RPS27L: variants seen among roughly 807,000 people sequenced by gnomAD.
The protein encoded by RPS27L is ribosomal protein eS27-like.
RPS27L carries 10 observed loss-of-function variants against 12.8 expected under a neutral mutation model. The observed-to-expected ratio is 0.78, with a 90% CI of 0.48 to 1.33. The LOEUF is 1.33. RPS27L is among the 40% of genes most tolerant of loss of function. The pLI, the probability that RPS27L is intolerant of heterozygous loss-of-function variation, is 0.00. For synonymous variants in RPS27L, 26 were observed against 32.3 expected (o/e 0.81, Z 0.66); for missense variants, 81 against 97.4 (o/e 0.83, Z 0.71).
chr15:63,155,891 T>A (rs1455363490), intron 2 of RPS27L, among the ~76,000 whole-genome samples, 160 bp from the exon 3 acceptor site: 1 of 152,226 alleles, frequency 6.6e-6, no homozygotes, highest in Admixed American at 6.5e-5. Flanking sequence ...CAAAATTTTT[T>A]AAAAACAGGT....
Position 63,156,447 on chromosome 15 carries a change from A to C in RPS27L, c.81T>G (p.Ser27Arg). 1 of 1,596,422 alleles carries C rather than the reference A, an allele frequency of 6.3e-7. No individual in the cohort carries two copies. The highest frequency in any genetic ancestry group is 8.5e-7 in the Non-Finnish European group (1 of 1,173,096). The change falls in exon 2 of 4, where the codon AGT (serine) becomes AGG (arginine). Residue 27 changes from serine to arginine, a missense_variant. By Grantham distance (110) the Ser-to-Arg change is moderately radical. Coordinates refer to ENST00000330964, the MANE Select transcript of RPS27L (RefSeq NM_015920.4). ...TTACATCCATAAAGTAAGAATTTGGACTTTGTACTAGGCGTTTCTTTTTAT... is the reference window on the plus strand; with the variant it reads ...TTACATCCATAAAGTAAGAATTTGGCCTTTGTACTAGGCGTTTCTTTTTAT... ...KKHKKKRLVQ[S>R]PNSYFMDVKC...
chr15:63,151,524 G>T lies in RPS27L; in HGVS notation c.*2508C>A, dbSNP rs1240334770. 2 of 152,130 alleles carry T rather than the reference G, an allele frequency of 1.3e-5. No homozygotes were observed. Among genetic ancestry groups the T allele is most frequent in the African/African-American group, 4.8e-5 (2 of 41,416 alleles). The allele number at this position is 152,130 out of a possible 1,614,324, so 9.4% of individuals were successfully genotyped here. A position where few individuals can be genotyped will look rare whatever the true frequency, so the allele number is the denominator to read the frequency against. ...GCTGGGATTATAGGTGTGAGCCACC[G>T]CGCCCAGCCCTTAGATGTGGTCTTT... On this transcript the variant is annotated 3_prime_UTR_variant, in exon 4 of 4. Coordinates refer to ENST00000330964, the MANE Select transcript of RPS27L (RefSeq NM_015920.4).
Position 63,151,163 on chromosome 15 carries a change from G to A in RPS27L, c.*2869C>T, listed in dbSNP as rs1425418217. ...TCCTATTCAGCACTTTTCAAAACCA[G>A]TAATACCATCTAGATTAATAATAAA... On this transcript the variant is annotated 3_prime_UTR_variant, in exon 4 of 4. Transcript: ENST00000330964. 1 of 152,140 alleles carries A rather than the reference G, an allele frequency of 6.6e-6. No individual in the cohort carries two copies. Among genetic ancestry groups the A allele is most frequent in the Admixed American group, 6.5e-5 (1 of 15,274 alleles). 9.4% of individuals were successfully genotyped at this position (152,140 alleles called of 1,614,324 possible).
chr15:63,155,526 G>T, intron 3 of RPS27L, 95 bp downstream of exon 3: 1 of 752,030 alleles, frequency 1.3e-6, no homozygotes, highest in East Asian at 2.8e-5. Flanking sequence ...AGTTATTTTG[G>T]TAATCATTAA....
intron 1 of RPS27L, 159 bp from the exon 2 acceptor site, chr15:63,156,680 T>G: frequency 1.5e-6 from 1 of 664,488 alleles, no homozygotes; most frequent in East Asian, 2.7e-5. Context: ...GTTAATAACT[T>G]TCATCAGTAC....
chr15:63,157,459 C>T lies in RPS27L; in HGVS notation c.-54G>A. On this transcript the variant is annotated 5_prime_UTR_variant, in exon 1 of 4. Transcript: ENST00000330964. ...CAGACCTCCCAGCCCACACAGCTAG[C>T]AAGCTGCAAGCGATCTGCGCTCGGC... The T allele has an allele frequency of 6.2e-7, 1 of 1,607,456 alleles. No individual in the cohort carries two copies. The highest frequency in any genetic ancestry group is 1.7e-4 in the Middle Eastern group (1 of 6,044).
intron 1 of RPS27L, chr15:63,156,809 G>A: frequency 1.8e-6 from 1 of 551,822 alleles, no homozygotes; most frequent in Non-Finnish European, 3.1e-6. Context: ...TGTCTTCGAT[G>A]AAAACTGCGC....
chr15:63,155,302 T>TA (rs1566997599), intron 3 of RPS27L: 8 of 227,218 alleles, frequency 3.5e-5, no homozygotes, highest in African/African-American at 2.2e-4. Context: ...AAAAAAATAA[T>TA]AAATAAATAA....
chr15:63,156,637 C>T (rs1464206527), intron 1 of RPS27L, 116 bp from the exon 2 acceptor site: 5 of 704,052 alleles, frequency 7.1e-6, no homozygotes, highest in Non-Finnish European at 1.3e-5. Flanking sequence ...GCAGAAGCAA[C>T]ACGTCAGATA....
chr15:63,149,410 T>G lies in RPS27L; in HGVS notation c.*4622A>C, dbSNP rs531640553. ...AACCCCATCTCTACTAAAAATACTT[T>G]AAAAAAATTAGCCCGGCGTGGTGGC... On this transcript the variant is annotated 3_prime_UTR_variant, in exon 4 of 4. Transcript: ENST00000330964. The G allele has an allele frequency of 6.6e-6, 1 of 150,816 alleles. No individual in the cohort carries two copies. Among genetic ancestry groups the G allele is most frequent in the African/African-American group, 2.4e-5 (1 of 40,966 alleles). 9.3% of individuals were successfully genotyped at this position (150,816 alleles called of 1,614,324 possible). A position where few individuals can be genotyped will look rare whatever the true frequency, so the allele number is the denominator to read the frequency against.
chr15:63,154,211 A>G (rs1164621537), intron 3 of RPS27L, 151 bp from the exon 4 acceptor site: 4 of 620,146 alleles, frequency 6.5e-6, no homozygotes, highest in African/African-American at 1.9e-5. Context: ...TATACCAGAA[A>G]TTTGCTATAA....
chr15:63,156,273 G>A (rs1299584637), intron 2 of RPS27L, 140 bp downstream of exon 2: 5 of 567,260 alleles, frequency 8.8e-6, no homozygotes, highest in Non-Finnish European at 1.5e-5. Flanking sequence ...CATTTATTAT[G>A]AAAATGTCCC....
chr15:63,149,020 A>G lies in RPS27L; in HGVS notation c.*5012T>C, dbSNP rs1396847186. ...ACTACAGGCGCCCGACACCACGCCC[A>G]GCTAATTTTTGTATTTTTAGCAGAG... On this transcript the variant is annotated 3_prime_UTR_variant, in exon 4 of 4. Coordinates refer to ENST00000330964, the MANE Select transcript of RPS27L (RefSeq NM_015920.4). 1 of 151,800 alleles carries G rather than the reference A, an allele frequency of 6.6e-6. No individual in the cohort carries two copies. The highest frequency in any genetic ancestry group is 1.5e-5 in the Non-Finnish European group (1 of 67,966). 9.4% of individuals were successfully genotyped at this position (151,800 alleles called of 1,614,324 possible).
chr15:63,151,212 T>C lies in RPS27L; in HGVS notation c.*2820A>G, dbSNP rs954253823. The C allele has an allele frequency of 2.0e-5, 3 of 152,134 alleles. No homozygotes were observed. The highest frequency in any genetic ancestry group is 4.4e-5 in the Non-Finnish European group (3 of 68,006). The allele number at this position is 152,134 out of a possible 1,614,324, so 9.4% of individuals were successfully genotyped here. A position where few individuals can be genotyped will look rare whatever the true frequency, so the allele number is the denominator to read the frequency against. On this transcript the variant is annotated 3_prime_UTR_variant, in exon 4 of 4. Transcript: ENST00000330964. ...AAGTAAAACTTAATACACCATTCGT[T>C]TCCCAATGCCATGTAAATCCTTAGA...
intron 1 of RPS27L, 48 bp downstream of exon 1, chr15:63,157,352 C>G: frequency 6.2e-7 from 1 of 1,610,386 alleles, no homozygotes; most frequent in Non-Finnish European, 8.5e-7. Context: ...ATATGACTCT[C>G]GGTAAAGAAG....
In RPS27L at chr15:63,155,699, C is replaced by G; in HGVS notation, c.148G>C (p.Ala50Pro). The G allele has an allele frequency of 6.5e-7, 1 of 1,540,858 alleles. No individual in the cohort carries two copies. Among genetic ancestry groups the G allele is most frequent in the Non-Finnish European group, 8.7e-7 (1 of 1,146,436 alleles). The change falls in exon 3 of 4, where the codon GCT becomes CCT. Residue 50 changes from alanine (A) to proline (P), a missense_variant. By Grantham distance (27) the Ala-to-Pro change is conservative (BLOSUM62 -1). Transcript: ENST00000330964. ...CYKITTVFSH[A>P]QTVVLCVGCS... The stretch of plus-strand genomic sequence containing the variant: ...CCTACACAAAGAACCACTGTCTGAG[C>G]ATGGCTGAAAACCGTGGTGATCTTG...
intron 1 of RPS27L, 64 bp from the exon 2 acceptor site, chr15:63,156,585 C>A (rs969891082): frequency 2.1e-6 from 2 of 960,390 alleles, no homozygotes; most frequent in Non-Finnish European, 3.3e-6. Flanking sequence ...TTTAACCATA[C>A]GTGAAATATA....
rs1187378434 is a variant in RPS27L at position 63,152,496 on chromosome 15, TTTC to T, written c.*1533_*1535del. ...TATATGTATATATATATATTTTTTTTTTCTTTTTTTTTTTGAGACGGAGTTTCG... is the reference window on the plus strand; with the variant it reads ...TATATGTATATATATATATTTTTTTTTTTTTTTTTTTGAGACGGAGTTTCG... On this transcript the variant is annotated 3_prime_UTR_variant, in exon 4 of 4. Coordinates refer to ENST00000330964, the MANE Select transcript of RPS27L (RefSeq NM_015920.4). 7.0e-6 allele frequency: 1 copy of T among 143,844 alleles called. No individual in the cohort carries two copies. Among genetic ancestry groups the T allele is most frequent in the Admixed American group, 6.9e-5 (1 of 14,592 alleles). The allele number at this position is 143,844 out of a possible 1,614,324, so 8.9% of individuals were successfully genotyped here.
rs2141086967 is a variant in RPS27L, at chr15:63,156,532, A to C, written c.7-11T>G. Reference sequence around the variant, plus strand: ...TAAATCTCTAGCCAACTGAACAAAGAAGCATATTATTACTATTAGTTTTAA... The same window carrying C: ...TAAATCTCTAGCCAACTGAACAAAGCAGCATATTATTACTATTAGTTTTAA... On this transcript the variant is annotated splice_polypyrimidine_tract_variant and intron_variant, in intron 1 of 3. Transcript: ENST00000330964. 6.7e-7 allele frequency: 1 copy of C among 1,499,852 alleles called. No homozygotes were observed. The highest frequency in any genetic ancestry group is 2.3e-5 in the East Asian group (1 of 44,360). The allele number at this position is 1,499,852 out of a possible 1,614,324, so 92.9% of individuals were successfully genotyped here.
Sources: gnomAD v4.1 joint callset for allele counts (sites outside exome capture counted in the v4.1 genomes callset) on GRCh38, gnomAD v4.1.1 for gene constraint, MANE v1.5 for transcripts, NCBI Gene and HGNC (gene_info 2026-07-23, HGNC 2026-07-21) for gene names.